Variants in KLHL17 observed in about 807,000 individuals in gnomAD.
KLHL17 encodes kelch-like protein 17.
In KLHL17, 71 loss-of-function variants were observed where a neutral mutation model predicts 64.6. That is an observed-to-expected ratio of 1.10 (90% confidence interval 0.91 to 1.34). The LOEUF (loss-of-function observed/expected upper bound fraction) is 1.34. KLHL17 is among the 40% of genes most tolerant of loss of function. The pLI, the probability that KLHL17 is intolerant of heterozygous loss-of-function variation, is 0.00. For missense variants in KLHL17, 1,140 were observed against 935.0 expected (o/e 1.22, Z -2.86); for synonymous variants, 612 against 405.4 (o/e 1.51, Z -6.12).
At chr1:963,008 C>T (rs1283133834) in intron 6 of KLHL17, 91 bp downstream of exon 6, 1 of 1,534,242 alleles carries the variant, frequency 6.5e-7, no homozygotes, top group Non-Finnish European at 8.8e-7. Flanking sequence ...AGGTCCTGAC[C>T]TGCCCCTCCG....
chr1:963,508 G>A lies in KLHL17; in HGVS notation c.1355+4G>A. 1.2e-6 allele frequency: 2 copies of A among 1,602,352 alleles called. No homozygotes were observed. Among genetic ancestry groups the A allele is most frequent in the Non-Finnish European group, 1.7e-6 (2 of 1,173,628 alleles). On this transcript the variant is annotated splice_donor_region_variant and intron_variant, in intron 8 of 11. Transcript: ENST00000338591. ...ACGGGGCCTCCTGCCTGAACAGGTA[G>A]TTGGGGTTGGGGCCCCAGTGGCTTT...
chr1:961,479 G>A lies in KLHL17; in HGVS notation c.294G>A (p.Val98=), dbSNP rs761537128. The A allele has an allele frequency of 6.2e-6, 10 of 1,612,390 alleles. No individual in the cohort carries two copies. The highest frequency in any genetic ancestry group is 2.2e-5 in the East Asian group (1 of 44,896). ...RGLLCDIVLH[V]AAKEIRAHKV... ...TCCTGTGCGACATCGTCCTGCACGT[G>A]GCTGCCAAGGAGATCCGTGCGCACA... Residue 98 remains valine, a synonymous_variant, in exon 2 of 12, where the codon GTG becomes GTA. Transcript: ENST00000338591.
In KLHL17 at chr1:961,824, A is replaced by G. The variant is rs779610967; in HGVS notation, c.490-2A>G. The stretch of plus-strand genomic sequence containing the variant: ...CCTCACCTGCCTCTCGGTGCCCCGT[A>G]GACTCTGCTCCCAGCCGCCAGTCTC... On this transcript the variant is annotated splice_acceptor_variant, in intron 3 of 11. Coordinates refer to ENST00000338591, the MANE Select transcript of KLHL17 (RefSeq NM_198317.3). LOFTEE classifies it high-confidence loss of function. 1 of 1,610,102 alleles carries G rather than the reference A, an allele frequency of 6.2e-7. No individual in the cohort carries two copies. The highest frequency in any genetic ancestry group is 1.1e-5 in the South Asian group (1 of 91,054).
rs945113836 is a variant in KLHL17 at position 965,265 on chromosome 1, C to T, written c.*74C>T. On this transcript the variant is annotated 3_prime_UTR_variant, in exon 12 of 12. Transcript: ENST00000338591. ...CGTGGCCCCCACCAGGGACGTCCTG[C>T]GCCATCCGTTCACGTCTCTGCATCC... The T allele has an allele frequency of 7.7e-5, 93 of 1,214,752 alleles. No homozygotes were observed. The South Asian group carries it at 1.1e-3, about 14-fold the overall frequency. The allele number at this position is 1,214,752 out of a possible 1,614,324, so 75.2% of individuals were successfully genotyped here. A position where few individuals can be genotyped will look rare whatever the true frequency, so the allele number is the denominator to read the frequency against.
At chr1:962,120 C>G in intron 4 of KLHL17, 73 bp downstream of exon 4, 3 of 1,400,750 alleles carry the variant, frequency 2.1e-6, no homozygotes, top group Non-Finnish European at 3.0e-6. Context: ...CTCCCGACCC[C>G]GTTTTGTTCC....
In KLHL17 at chr1:965,095, C is replaced by G. The variant is rs777819874; in HGVS notation, c.1833C>G (p.Phe611Leu). Reference sequence around the variant, plus strand: ...AGTGGGTGGCCGCATCCTGCATGTTCACCCGGCGCAGCAGTGTGGGTGTGG... The same window carrying G: ...AGTGGGTGGCCGCATCCTGCATGTTGACCCGGCGCAGCAGTGTGGGTGTGG... ...TNKWVAASCM[F>L]TRRSSVGVAV... Residue 611 changes from phenylalanine to leucine, a missense_variant, in exon 12 of 12, where the codon TTC becomes TTG. By Grantham distance (22) the Phe-to-Leu change is conservative. Transcript: ENST00000338591. 2 of 1,612,760 alleles carry G rather than the reference C, an allele frequency of 1.2e-6. No individual in the cohort carries two copies. The highest frequency in any genetic ancestry group is 1.7e-6 in the Non-Finnish European group (2 of 1,179,918).
chr1:963,868 G>A lies in KLHL17; in HGVS notation c.1356-52G>A, dbSNP rs1259564943. 32 of 1,574,450 alleles carry A rather than the reference G, an allele frequency of 2.0e-5. No homozygotes were observed. In the East Asian group the frequency reaches 4.3e-4, roughly 21 times the overall value. ...GCTGGGGAGGGCAGGTCCTGGGGCC[G>A]GGACGCCTTTCTGTCTCTGCTGAGC... On this transcript the variant is annotated intron_variant, in intron 8 of 11. Coordinates refer to ENST00000338591, the MANE Select transcript of KLHL17 (RefSeq NM_198317.3).
At chr1:962,630 TG>T (rs34570241) in intron 5 of KLHL17, 73 bp from the exon 6 acceptor site, 6 of 1,527,824 alleles carry the variant, frequency 3.9e-6, no homozygotes, top group Admixed American at 3.9e-5. Context: ...TACGGGCATC[TG>T]GGGGGTTGTC....
At position 963,241 on chromosome 1, in the gene KLHL17, A is replaced by G. The variant is rs1211049462; in HGVS notation, c.1175A>G (p.Tyr392Cys). The G allele has an allele frequency of 2.5e-6, 4 of 1,604,542 alleles. No homozygotes were observed. The African/African-American group carries it at 5.3e-5, about 21-fold the overall frequency. ...VGVAAVGNRL[Y>C]AVGGYDGTSD... is the part of the protein sequence containing the mutation. The stretch of plus-strand genomic sequence containing the variant: ...GTGGCTGCGGTGGGGAACCGGCTCT[A>G]TGCTGTGGGCGGGTAAGCCTGGAGG... Residue 392 changes from tyrosine to cysteine, a missense_variant, in exon 7 of 12, where the codon TAT becomes TGT. Tyr to Cys is a radical substitution (Grantham distance 194). Coordinates refer to ENST00000338591, the MANE Select transcript of KLHL17 (RefSeq NM_198317.3).
In KLHL17 at chr1:962,780, GGCACCACCCTGACT is replaced by G; in HGVS notation, c.909_922del (p.His303GlnfsTer15). 1 of 1,611,250 alleles carries G rather than the reference GGCACCACCCTGACT, an allele frequency of 6.2e-7. No individual in the cohort carries two copies. On this transcript the variant is annotated frameshift_variant, in exon 6 of 12. Coordinates refer to ENST00000338591, the MANE Select transcript of KLHL17 (RefSeq NM_198317.3). LOFTEE classifies it high-confidence loss of function. Reference sequence around the variant, plus strand: ...CACGTGGATGCCGAGAGCCTGGTGAGGCACCACCCTGACTGCAAGGACCTCCTCATCGAGGCCCT... The same window carrying G: ...CACGTGGATGCCGAGAGCCTGGTGAGGCAAGGACCTCCTCATCGAGGCCCT...
chr1:965,623 A>T lies in KLHL17; in HGVS notation c.*432A>T. ...TTCCTGTCGTCGTCTGCCGTGTGCCATCTTTCCTGGATCTTGTAGTGGGTG... is the reference window on the plus strand; with the variant it reads ...TTCCTGTCGTCGTCTGCCGTGTGCCTTCTTTCCTGGATCTTGTAGTGGGTG... On this transcript the variant is annotated 3_prime_UTR_variant, in exon 12 of 12. Transcript: ENST00000338591. The T allele has an allele frequency of 4.9e-6, 1 of 202,222 alleles. No individual in the cohort carries two copies. Among genetic ancestry groups the T allele is most frequent in the East Asian group, 1.3e-4 (1 of 7,604 alleles). The allele number at this position is 202,222 out of a possible 1,614,324, so 12.5% of individuals were successfully genotyped here. A position where few individuals can be genotyped will look rare whatever the true frequency, so the allele number is the denominator to read the frequency against.
Position 962,265 on chromosome 1 carries a change from C to T in KLHL17, c.712-90C>T, listed in dbSNP as rs1360270757. ...TCCCAGTATGAACACTCAGCCCCCA[C>T]CTGCTAACCCTCCCTCCTAGGCATC... On this transcript the variant is annotated intron_variant, in intron 4 of 11. Coordinates refer to ENST00000338591, the MANE Select transcript of KLHL17 (RefSeq NM_198317.3). The T allele has an allele frequency of 4.4e-6, 7 of 1,599,366 alleles. No homozygotes were observed. The East Asian group carries it at 9.0e-5, about 21-fold the overall frequency.
At chr1:963,048 C>G in intron 6 of KLHL17, 61 bp from the exon 7 acceptor site, 1 of 1,587,484 alleles carries the variant, frequency 6.3e-7, no homozygotes. Flanking sequence ...CTCCAGGAGC[C>G]TGGGGTGTGG....
In KLHL17 at chr1:961,889, C is replaced by T. The variant is rs1258732556; in HGVS notation, c.553C>T (p.Leu185=). 4.3e-6 allele frequency: 7 copies of T among 1,612,684 alleles called. No individual in the cohort carries two copies. Among genetic ancestry groups the T allele is most frequent in the Non-Finnish European group, 5.1e-6 (6 of 1,180,022 alleles). ...CGTCCGAGACGCTTGCTGCAAGTTT[C>T]TACTGAGTCAGCTCGACCCCTCCAA... ...NGVRDACCKF[L]LSQLDPSNCL... The change falls in exon 4 of 12, where the codon CTA becomes TTA. Residue 185 remains leucine, a synonymous_variant. Coordinates refer to ENST00000338591, the MANE Select transcript of KLHL17 (RefSeq NM_198317.3).
At chr1:963,874 CCTTT>C in intron 8 of KLHL17, 42 bp from the exon 9 acceptor site, 1 of 1,589,428 alleles carries the variant, frequency 6.3e-7, no homozygotes, top group South Asian at 1.1e-5. Flanking sequence ...GGCCGGGACG[CCTTT>C]CTGTCTCTGC....
Position 965,621 on chromosome 1 carries a change from C to T in KLHL17, c.*430C>T, listed in dbSNP as rs574283135. ...CCTTCCTGTCGTCGTCTGCCGTGTG[C>T]CATCTTTCCTGGATCTTGTAGTGGG... On this transcript the variant is annotated 3_prime_UTR_variant, in exon 12 of 12. Coordinates refer to ENST00000338591, the MANE Select transcript of KLHL17 (RefSeq NM_198317.3). The T allele has an allele frequency of 7.4e-5, 15 of 202,964 alleles. No individual in the cohort carries two copies. The South Asian group carries it at 8.8e-4, about 12-fold the overall frequency. The allele number at this position is 202,964 out of a possible 1,614,324, so 12.6% of individuals were successfully genotyped here.
rs776412372 is a variant in KLHL17 at position 961,972 on chromosome 1, C to T, written c.636C>T (p.Ala212=). The change falls in exon 4 of 12, where the codon GCC becomes GCT. Residue 212 remains alanine (A), a synonymous_variant. Coordinates refer to ENST00000338591, the MANE Select transcript of KLHL17 (RefSeq NM_198317.3). ...DAHSCSDLLK[A]AHRYVLQHFV... is the part of the protein sequence containing the mutation. ...ACTCCTGCAGCGACCTGCTCAAGGC[C>T]GCCCACAGGTACGTGCTGCAGCACT... 26 of 1,612,786 alleles carry T rather than the reference C, an allele frequency of 1.6e-5. 1 individual carries two copies. The Admixed American group carries it at 2.0e-4, about 12-fold the overall frequency.
chr1:963,512 G>A lies in KLHL17; in HGVS notation c.1355+8G>A. 1 of 1,601,868 alleles carries A rather than the reference G, an allele frequency of 6.2e-7. No individual in the cohort carries two copies. The highest frequency in any genetic ancestry group is 1.7e-5 in the Admixed American group (1 of 59,128). ...GGCCTCCTGCCTGAACAGGTAGTTG[G>A]GGTTGGGGCCCCAGTGGCTTTGTAC... On this transcript the variant is annotated splice_region_variant and intron_variant, in intron 8 of 11. Transcript: ENST00000338591.
rs758375185 is a variant in KLHL17, at chr1:963,989, T to C, written c.1425T>C (p.Tyr475=). ...CTGCCATGAGCACCCGGAGGCGCTA[T>C]GTGCGAGTGGCCACGCTTGGTGGGT... The part of the protein sequence containing the change: ...SVAAMSTRRR[Y]VRVATLDGNL... Residue 475 remains tyrosine, a synonymous_variant, in exon 9 of 12, where the codon TAT becomes TAC. Coordinates refer to ENST00000338591, the MANE Select transcript of KLHL17 (RefSeq NM_198317.3). The C allele has an allele frequency of 7.4e-6, 12 of 1,612,648 alleles. No individual in the cohort carries two copies. The highest frequency in any genetic ancestry group is 2.2e-5 in the East Asian group (1 of 44,890).
Sources: gnomAD v4.1 joint callset for allele counts on GRCh38, gnomAD v4.1.1 for gene constraint, MANE v1.5 for transcripts, NCBI Gene and HGNC (gene_info 2026-07-23, HGNC 2026-07-21) for gene names.